Variants in MPHOSPH10 observed in about 807,000 individuals in gnomAD.
MPHOSPH10 encodes the protein U3 small nucleolar ribonucleoprotein MPP10.
MPHOSPH10 carries 33 observed loss-of-function variants against 77.3 expected under a neutral mutation model. The observed-to-expected ratio is 0.43, with a 90% CI of 0.32 to 0.57. The LOEUF (loss-of-function observed/expected upper bound fraction) is 0.57. Among genes scored for constraint, MPHOSPH10 ranks in the 20% least tolerant of loss-of-function variants. The probability of loss-of-function intolerance (pLI) is 0.07; values close to 1 mark genes in which losing one functional copy is unlikely to be tolerated. For missense variants in MPHOSPH10, 708 were observed against 780.1 expected (o/e 0.91, Z 1.10); for synonymous variants, 245 against 268.0 (o/e 0.91, Z 0.84).
At chr2:71,149,527 G>A in intron 10 of MPHOSPH10, 74 bp downstream of exon 10, 1 of 1,383,216 alleles carries the variant, frequency 7.2e-7, no homozygotes. Context: ...TGGGTGACTG[G>A]AATGTCTGAG....
intron 10 of MPHOSPH10, 61 bp downstream of exon 10, chr2:71,149,514 T>C: frequency 6.8e-7 from 1 of 1,468,224 alleles, no homozygotes; most frequent in South Asian, 1.2e-5. Flanking sequence ...GGATAGCAAG[T>C]GCTGGGTGAC....
At chr2:71,139,165 A>G (rs1673560715) in intron 5 of MPHOSPH10, 1 of 171,488 alleles carries the variant, frequency 5.8e-6, no homozygotes, top group South Asian at 1.5e-4. Flanking sequence ...TCCCTAGCAT[A>G]TGTAAGATTG....
At position 71,138,636 on chromosome 2, in the gene MPHOSPH10, G is replaced by A. The variant is rs1309618722; in HGVS notation, c.1240+5G>A. On this transcript the variant is annotated splice_donor_5th_base_variant and intron_variant, in intron 5 of 10. Transcript: ENST00000244230. ...TTGACCATGCTGTCCGGATGGGTAT[G>A]GTGCCCTCTTCTGTAGTTTTCATGT... 6.2e-7 allele frequency: 1 copy of A among 1,614,126 alleles called. No individual in the cohort carries two copies. The highest frequency in any genetic ancestry group is 8.5e-7 in the Non-Finnish European group (1 of 1,180,016).
intron 4 of MPHOSPH10, among the ~76,000 whole-genome samples, chr2:71,136,848 C>CTTTTTTTTTTTTTTTTTTTTTTTT (rs60456435): frequency 8.4e-6 from 1 of 118,644 alleles, no homozygotes; most frequent in African/African-American, 3.2e-5. Flanking sequence ...AACTTTCAAC[C>CTTTTTTTTTTTTTTTTTTTTTTTT]TTTTTTTTTT....
chr2:71,145,980 G>C (rs1322683305), intron 8 of MPHOSPH10, among the ~76,000 whole-genome samples: 4 of 152,180 alleles, frequency 2.6e-5, no homozygotes, highest in African/African-American at 9.7e-5. Context: ...CTCACCACTT[G>C]GCTCCTTTTC....
rs1446060199 is a variant in MPHOSPH10, at chr2:71,148,061, A to G, written c.1620A>G (p.Pro540=). ...LPAITMEEVA[P]VSVSDAALLA... is the part of the protein sequence containing the mutation. ...CCATAACCATGGAGGAAGTAGCCCC[A>G]GTGAGTGTTAGTGATGCAGCTCTCC... The change falls in exon 9 of 11, where the codon CCA becomes CCG. Residue 540 remains proline, a synonymous_variant. Transcript: ENST00000244230. 2 of 1,614,190 alleles carry G rather than the reference A, an allele frequency of 1.2e-6. No homozygotes were observed. Among genetic ancestry groups the G allele is most frequent in the Non-Finnish European group, 1.7e-6 (2 of 1,180,022 alleles).
intron 5 of MPHOSPH10, 64 bp downstream of exon 5, chr2:71,138,695 G>T: frequency 6.2e-7 from 1 of 1,601,438 alleles, no homozygotes. Flanking sequence ...TTCATACAAA[G>T]ATTTGGGGTG....
rs535227062 is a variant in MPHOSPH10 at position 71,134,119 on chromosome 2, A to T, written c.926+14A>T. 52 of 1,595,216 alleles carry T rather than the reference A, an allele frequency of 3.3e-5. No homozygotes were observed. The African/African-American group carries it at 5.5e-4, about 17-fold the overall frequency. ...TATTTCGGAAACGTGAGTATTTTGAACCATCCTTTACATTGTAAGCTGGAA... is the reference window on the plus strand; with the variant it reads ...TATTTCGGAAACGTGAGTATTTTGATCCATCCTTTACATTGTAAGCTGGAA... On this transcript the variant is annotated intron_variant, in intron 3 of 10. Transcript: ENST00000244230.
At chr2:71,133,812 G>T in intron 2 of MPHOSPH10, 136 bp from the exon 3 acceptor site, 2 of 848,386 alleles carry the variant, frequency 2.4e-6, no homozygotes, top group East Asian at 2.8e-5. Flanking sequence ...TTATTAGTTT[G>T]GTTATTAGTT....
chr2:71,138,247 T>C (rs1330026915), intron 4 of MPHOSPH10, among the ~76,000 whole-genome samples: 4 of 152,188 alleles, frequency 2.6e-5, no homozygotes, highest in Admixed American at 6.5e-5. Context: ...CAAAAGCTTC[T>C]GGGGGCGTTT....
chr2:71,135,622 C>T (rs1013596221), intron 4 of MPHOSPH10, among the ~76,000 whole-genome samples: 1 of 144,842 alleles, frequency 6.9e-6, no homozygotes, highest in Non-Finnish European at 1.5e-5. Flanking sequence ...CATGTCTCTC[C>T]TGATAAAGCT....
intron 1 of MPHOSPH10, among the ~76,000 whole-genome samples, chr2:71,132,532 G>A (rs1387477914): frequency 6.6e-6 from 1 of 152,206 alleles, no homozygotes; most frequent in Non-Finnish European, 1.5e-5. Flanking sequence ...TCTAAGAGAG[G>A]TTTTCCTTGA....
intron 4 of MPHOSPH10, among the ~76,000 whole-genome samples, chr2:71,137,870 T>C (rs1404272151): frequency 1.3e-5 from 2 of 152,010 alleles, no homozygotes; most frequent in Non-Finnish European, 2.9e-5. Context: ...TTAGAGATAA[T>C]GGCCAGGCAT....
chr2:71,138,675 A>G lies in MPHOSPH10; in HGVS notation c.1240+44A>G, dbSNP rs79477128. 0.032 allele frequency: 51,193 copies of G among 1,612,298 alleles called. 4,528 individuals are homozygous for G. In the East Asian group the frequency reaches 0.4, roughly 12 times the overall value. ...TAGTTTTCATGTCTGTGCTTTTTCC[A>G]TGGTTCCATTTCATACAAAGATTTG... On this transcript the variant is annotated intron_variant, in intron 5 of 10. Coordinates refer to ENST00000244230, the MANE Select transcript of MPHOSPH10 (RefSeq NM_005791.3).
chr2:71,134,846 T>C, intron 4 of MPHOSPH10, 49 bp downstream of exon 4: 1 of 1,371,124 alleles, frequency 7.3e-7, no homozygotes, highest in Middle Eastern at 2.6e-4. Flanking sequence ...TTAACCATCC[T>C]TTGAAAACTA....
At chr2:71,130,984 T>C in intron 1 of MPHOSPH10, 1 of 523,312 alleles carries the variant, frequency 1.9e-6, no homozygotes, top group East Asian at 3.3e-5. Flanking sequence ...TAACCTCAAT[T>C]GTTAACACCT....
intron 6 of MPHOSPH10, 26 bp downstream of exon 6, chr2:71,139,888 A>C: frequency 6.8e-7 from 1 of 1,473,708 alleles, no homozygotes; most frequent in Non-Finnish European, 9.4e-7. Context: ...ATTTAACTTA[A>C]TCAAAATGTC....
chr2:71,143,424 C>T (rs1414715210), intron 7 of MPHOSPH10, among the ~76,000 whole-genome samples: 1 of 152,166 alleles, frequency 6.6e-6, no homozygotes, highest in Non-Finnish European at 1.5e-5. Flanking sequence ...AGCCACCGCG[C>T]CCAGCCAGCC....
intron 4 of MPHOSPH10, among the ~76,000 whole-genome samples, chr2:71,136,419 G>C (rs1199544559): frequency 4.6e-5 from 7 of 152,068 alleles, no homozygotes; most frequent in African/African-American, 1.7e-4. Flanking sequence ...AGAGGCTGAT[G>C]GGGGAGGATC....
Sources: allele counts gnomAD v4.1 joint callset (sites outside exome capture counted in the v4.1 genomes callset), GRCh38; gene constraint gnomAD v4.1.1; transcripts MANE v1.5; gene names NCBI Gene and HGNC (gene_info 2026-07-23, HGNC 2026-07-21).